The following SLC4A5 variants were observed in gnomAD, a reference collection of about 807,000 sequenced individuals.
SLC4A5 encodes the protein solute carrier family 4 member 5, also known as electrogenic sodium bicarbonate cotransporter 4.
A neutral mutation model predicts 120.4 loss-of-function variants in SLC4A5; 96 were observed. The observed-to-expected ratio is 0.80, with a 90% CI of 0.68 to 0.94. SLC4A5 has a LOEUF of 0.94. Among genes scored for constraint, SLC4A5 ranks in the 40% least tolerant of loss-of-function variants. SLC4A5 has a pLI of 0.00. For synonymous variants in SLC4A5, 550 were observed against 571.1 expected, an observed-to-expected ratio of 0.96 and a Z score of 0.53; for missense variants, 1,259 against 1,459.5, an observed-to-expected ratio of 0.86 and a Z score of 2.24.
At chr2:74,232,818 CTGAAAGGG>C (rs1367213946) in intron 23 of SLC4A5, among the ~76,000 whole-genome samples, 171 bp from the exon 24 acceptor site, 2 of 152,186 alleles carry the variant, frequency 1.3e-5, no homozygotes, top group Non-Finnish European at 2.9e-5. Flanking sequence ...GCCACCCCAT[CTGAAAGGG>C]TGAACTGCCT....
At chr2:74,309,059 C>T (rs567566493) in intron 6 of SLC4A5, among the ~76,000 whole-genome samples, 36 of 151,834 alleles carry the variant, frequency 2.4e-4, no homozygotes, top group Non-Finnish European at 4.9e-4. Context: ...AGATCACAGG[C>T]ATGCATCACC....
rs1301201955 is a variant in SLC4A5 at position 74,255,952 on chromosome 2, G to A, written c.868-20C>T. On this transcript the variant is annotated intron_variant, in intron 12 of 30. Transcript: ENST00000394019. This position sits in a 1 kb window ranked among gnomAD's most constrained non-coding sequence, Gnocchi z 4.0. Reference sequence around the variant, plus strand: ...TTTCCGCTGGACAGGGAGGGGAAACGAGATAGCCAAGGAGACTCCCACCTG... The same window carrying A: ...TTTCCGCTGGACAGGGAGGGGAAACAAGATAGCCAAGGAGACTCCCACCTG... 3.7e-6 allele frequency: 6 copies of A among 1,611,266 alleles called. No individual in the cohort carries two copies. Among genetic ancestry groups the A allele is most frequent in the Admixed American group, 1.7e-5 (1 of 59,920 alleles).
At position 74,303,222 on chromosome 2, in the gene SLC4A5, TCTGTAAAAGCCAC is replaced by T. The variant is rs1216972985; in HGVS notation, c.271+1254_271+1266del. Among the ~76,000 whole-genome samples, 5 of 152,238 alleles carry T rather than the reference TCTGTAAAAGCCAC, an allele frequency of 3.3e-5. No individual in the cohort carries two copies. The East Asian group carries it at 9.6e-4, about 29-fold the overall frequency. On this transcript the variant is annotated intron_variant, in intron 7 of 30. Coordinates refer to ENST00000394019, the Ensembl canonical transcript of SLC4A5. ...CCATCTCCTACAAAGGCACATTTAC[TCTGTAAAAGCCAC>T]AGGCCCTGGTCAACCTAATGCCAAT...
intron 20 of SLC4A5, among the ~76,000 whole-genome samples, chr2:74,241,682 C>T (rs1310780493): frequency 2.8e-5 from 4 of 143,132 alleles, no homozygotes; most frequent in Middle Eastern, 3.8e-3. Flanking sequence ...ATGGAGGTTG[C>T]GGTGAGCCAA....
intron 8 of SLC4A5, among the ~76,000 whole-genome samples, chr2:74,268,280 C>A (rs1267846543): frequency 6.6e-5 from 10 of 152,184 alleles, no homozygotes. Context: ...AACCAGGAGG[C>A]ATCATGCTGA....
intron 4 of SLC4A5, among the ~76,000 whole-genome samples, chr2:74,330,940 T>G (rs111622688): frequency 0.056 from 804 of 14,254 alleles, no homozygotes; most frequent in Middle Eastern, 0.071. Flanking sequence ...AGGTGGTGAG[T>G]TATAGGTGAG....
intron 6 of SLC4A5, among the ~76,000 whole-genome samples, chr2:74,305,763 C>T (rs1447883924): frequency 3.1e-5 from 4 of 127,370 alleles, no homozygotes; most frequent in African/African-American, 1.2e-4. Flanking sequence ...CTTGCCCTGT[C>T]GCCCAGGCTG....
chr2:74,281,581 C>T (rs1395960388), intron 8 of SLC4A5, among the ~76,000 whole-genome samples: 2 of 152,180 alleles, frequency 1.3e-5, no homozygotes, highest in African/African-American at 2.4e-5. Context: ...AACAGCCTGA[C>T]CTACCAGCAT....
chr2:74,282,621 T>C (rs1208936336), intron 8 of SLC4A5, among the ~76,000 whole-genome samples: 3 of 152,232 alleles, frequency 2.0e-5, no homozygotes, highest in Non-Finnish European at 4.4e-5. Flanking sequence ...TCACTGGGTC[T>C]GGAGTGCAGA....
At position 74,224,896 on chromosome 2, in the gene SLC4A5, CCT is replaced by C; in HGVS notation, c.3188_3189del (p.Lys1063ArgfsTer17). On this transcript the variant is annotated frameshift_variant, in exon 28 of 31. Coordinates refer to ENST00000394019, the Ensembl canonical transcript of SLC4A5. LOFTEE classifies it high-confidence loss of function. ...TTTCTCTTCCTCTTCTTGTCTGTCTCCTTTTTTTCCTTCTCTGGGAGGATGTT... is the reference window on the plus strand; with the variant it reads ...TTTCTCTTCCTCTTCTTGTCTGTCTCTTTTTTCCTTCTCTGGGAGGATGTT... 6.2e-7 allele frequency: 1 copy of C among 1,614,152 alleles called. No individual in the cohort carries two copies. Among genetic ancestry groups the C allele is most frequent in the Non-Finnish European group, 8.5e-7 (1 of 1,180,038 alleles).
At chr2:74,297,323 G>A (rs188295240) in intron 7 of SLC4A5, among the ~76,000 whole-genome samples, 5 of 152,266 alleles carry the variant, frequency 3.3e-5, no homozygotes, top group Admixed American at 2.0e-4. Flanking sequence ...TTAACAACTC[G>A]TAGCAATCTG....
intron 5 of SLC4A5, among the ~76,000 whole-genome samples, chr2:74,322,217 C>A (rs1046380346): frequency 2.6e-5 from 4 of 151,698 alleles, no homozygotes; most frequent in Non-Finnish European, 5.9e-5. Context: ...TATATTTAAA[C>A]TGCTAGCCAA....
intron 7 of SLC4A5, among the ~76,000 whole-genome samples, chr2:74,294,013 A>C (rs959790966): frequency 6.6e-6 from 1 of 152,112 alleles, no homozygotes; most frequent in African/African-American, 2.4e-5. Flanking sequence ...CAAAGGAAAC[A>C]CTCCGTGACC....
chr2:74,286,751 C>T (rs1671996912), intron 7 of SLC4A5, among the ~76,000 whole-genome samples: 1 of 152,128 alleles, frequency 6.6e-6, no homozygotes, highest in African/African-American at 2.4e-5. Context: ...ATAGCATGGT[C>T]ACAAAAGGAC....
At chr2:74,254,642 T>C (rs1670902182) in exon 14 of SLC4A5, 1 of 1,614,088 alleles carries the variant, frequency 6.2e-7, no homozygotes, top group Admixed American at 1.7e-5. Flanking sequence ...AGGGTTGCAA[T>C]GGCACGGCCA....
intron 6 of SLC4A5, among the ~76,000 whole-genome samples, chr2:74,313,567 G>A (rs1672873694): frequency 6.6e-6 from 1 of 152,196 alleles, no homozygotes; most frequent in Non-Finnish European, 1.5e-5. Context: ...TCTCCTGGAT[G>A]TAACAGGGAT....
chr2:74,253,232 T>C, intron 14 of SLC4A5, 104 bp from the exon 15 acceptor site: 1 of 1,347,142 alleles, frequency 7.4e-7, no homozygotes. Context: ...GAACCACATC[T>C]CCCACTGCCA....
intron 7 of SLC4A5, among the ~76,000 whole-genome samples, chr2:74,293,758 A>G (rs1169413041): frequency 2.0e-5 from 3 of 152,312 alleles, no homozygotes; most frequent in South Asian, 2.1e-4. Flanking sequence ...TGCTTCCCCA[A>G]GCCAGTTCAA....
intron 5 of SLC4A5, among the ~76,000 whole-genome samples, chr2:74,318,751 G>A (rs192057811): frequency 4.6e-5 from 7 of 151,650 alleles, no homozygotes; most frequent in Admixed American, 4.6e-4. Flanking sequence ...ATGCACTGTC[G>A]GTGGGAATGT....
Sources: gnomAD v4.1 joint callset for allele counts (sites outside exome capture counted in the v4.1 genomes callset) on GRCh38, gnomAD v4.1.1 for gene constraint, Gnocchi (gnomAD v3.1) non-coding constraint, MANE v1.5 for transcripts, NCBI Gene and HGNC (gene_info 2026-07-23, HGNC 2026-07-21) for gene names.